Variants in CCSER1 observed in about 807,000 individuals in gnomAD.
CCSER1 encodes the protein coiled-coil serine rich protein 1, also known as serine-rich coiled-coil domain-containing protein 1.
In CCSER1, 41 loss-of-function variants were observed where a neutral mutation model predicts 82.0. The observed-to-expected ratio is 0.50, with a 90% confidence interval of 0.39 to 0.65. The LOEUF (loss-of-function observed/expected upper bound fraction) is 0.65, where lower values mean the gene tolerates loss of function less well. Ranked by LOEUF, CCSER1 falls within the 30% of genes least tolerant of loss-of-function variation. The pLI, the probability that CCSER1 is intolerant of heterozygous loss-of-function variation, is 0.00. For synonymous variants in CCSER1, 414 were observed against 383.9 expected (o/e 1.08, Z -0.92); for missense variants, 1,119 against 1,064.2 (o/e 1.05, Z -0.72).
In CCSER1 at chr4:90,127,526, C is replaced by G. The variant is rs1721991021; in HGVS notation, c.-347C>G. 6.5e-6 allele frequency: 1 copy of G among 153,164 alleles called. No homozygotes were observed. The highest frequency in any genetic ancestry group is 2.1e-4 in the South Asian group (1 of 4,838). The allele number at this position is 153,164 out of a possible 1,614,324, so 9.5% of individuals were successfully genotyped here. On this transcript the variant is annotated 5_prime_UTR_variant, in exon 1 of 11. Coordinates refer to ENST00000509176, the MANE Select transcript of CCSER1 (RefSeq NM_001145065.2). ...CCTCCTCTTGCTCTGCTCTTCTCTC[C>G]CTCACCACAAATAGTCGCCGACCTA...
intron 10 of CCSER1, among the ~76,000 whole-genome samples, chr4:91,273,267 T>C (rs906973547): frequency 2.0e-4 from 30 of 152,206 alleles, no homozygotes; most frequent in African/African-American, 7.2e-4. Context: ...TCATCTGTGA[T>C]TTCTTTCAGC....
chr4:91,405,124 G>A (rs1173780220), intron 10 of CCSER1, among the ~76,000 whole-genome samples: 1 of 152,040 alleles, frequency 6.6e-6, no homozygotes, highest in Non-Finnish European at 1.5e-5. Flanking sequence ...TCTTCTTGTT[G>A]AATTGATCCC....
chr4:90,193,717 T>C (rs1283287843), intron 1 of CCSER1, among the ~76,000 whole-genome samples: 1 of 151,990 alleles, frequency 6.6e-6, no homozygotes, highest in African/African-American at 2.4e-5. Flanking sequence ...TAGAACACTT[T>C]TAACTGCAGG....
chr4:90,626,843 T>G (rs1370029964), intron 5 of CCSER1, among the ~76,000 whole-genome samples: 2 of 152,224 alleles, frequency 1.3e-5, no homozygotes, highest in Non-Finnish European at 2.9e-5. Context: ...CAATAAGAAC[T>G]ATATAAATAT....
chr4:90,128,937 T>C (rs1327826345), intron 1 of CCSER1, among the ~76,000 whole-genome samples: 1 of 152,124 alleles, frequency 6.6e-6, no homozygotes, highest in East Asian at 1.9e-4. Flanking sequence ...AACTCATATT[T>C]TTACAGGTAG....
chr4:91,524,273 C>T (rs917903757), intron 10 of CCSER1, among the ~76,000 whole-genome samples: 1 of 152,088 alleles, frequency 6.6e-6, no homozygotes, highest in Non-Finnish European at 1.5e-5. Context: ...TATAACATCT[C>T]TTTTTTTGAA....
chr4:90,868,615 C>T (rs1766045655), intron 8 of CCSER1, among the ~76,000 whole-genome samples: 1 of 151,964 alleles, frequency 6.6e-6, no homozygotes, highest in Admixed American at 6.6e-5. Flanking sequence ...ATAGACACTT[C>T]AGTTGCTTCC....
At chr4:90,700,132 C>T (rs1051639349) in intron 6 of CCSER1, among the ~76,000 whole-genome samples, 3 of 151,984 alleles carry the variant, frequency 2.0e-5, no homozygotes, top group Non-Finnish European at 4.4e-5. Flanking sequence ...TGCTATCCCT[C>T]CCCACTCCCC....
At chr4:91,099,452 G>T (rs1027027711) in intron 10 of CCSER1, among the ~76,000 whole-genome samples, 2 of 152,086 alleles carry the variant, frequency 1.3e-5, no homozygotes, top group South Asian at 2.1e-4. Flanking sequence ...AATGAAAAGG[G>T]TCAAACTCTG....
At chr4:91,148,623 A>C (rs990790344) in intron 10 of CCSER1, among the ~76,000 whole-genome samples, 32 of 152,058 alleles carry the variant, frequency 2.1e-4, no homozygotes, top group Admixed American at 5.2e-4. Flanking sequence ...TCCTGATGCT[A>C]TCCATCCCCC....
chr4:91,485,905 G>T (rs1758195570), intron 10 of CCSER1, among the ~76,000 whole-genome samples: 1 of 151,940 alleles, frequency 6.6e-6, no homozygotes, highest in Admixed American at 6.6e-5. Context: ...TTTTGAATAG[G>T]AATATCTACA....
At chr4:90,447,465 G>C (rs1317649124) in intron 4 of CCSER1, among the ~76,000 whole-genome samples, 5 of 152,298 alleles carry the variant, frequency 3.3e-5, no homozygotes, top group Middle Eastern at 3.4e-3. Context: ...AGGAATTTCT[G>C]TCTGCTTTGT....
chr4:91,232,973 CAAG>C (rs1022502989), intron 10 of CCSER1, among the ~76,000 whole-genome samples: 5 of 151,698 alleles, frequency 3.3e-5, no homozygotes, highest in African/African-American at 9.7e-5. Flanking sequence ...GAAGGGTACT[CAAG>C]AAAGTATTAA....
intron 10 of CCSER1, among the ~76,000 whole-genome samples, chr4:91,203,424 C>A (rs866104303): frequency 5.9e-5 from 9 of 151,828 alleles, no homozygotes; most frequent in Non-Finnish European, 1.5e-5. Flanking sequence ...CCTAATACTA[C>A]TCTTCTGTTC....
At chr4:90,261,222 T>C (rs1304764950) in intron 1 of CCSER1, among the ~76,000 whole-genome samples, 1 of 151,978 alleles carries the variant, frequency 6.6e-6, no homozygotes, top group Non-Finnish European at 1.5e-5. Flanking sequence ...TTCAGGAGGT[T>C]CTATTTTGGT....
At chr4:91,002,392 T>A (rs753771158) in intron 9 of CCSER1, among the ~76,000 whole-genome samples, 1 of 152,206 alleles carries the variant, frequency 6.6e-6, no homozygotes, top group Non-Finnish European at 1.5e-5. Flanking sequence ...TACCAGTTAT[T>A]CTTAGGTTTG....
At chr4:90,919,337 G>T (rs1260656385) in intron 8 of CCSER1, among the ~76,000 whole-genome samples, 2 of 151,724 alleles carry the variant, frequency 1.3e-5, no homozygotes, top group Admixed American at 6.6e-5. Context: ...AATAAAAAAG[G>T]TTTTCATCTG....
chr4:91,452,434 A>G (rs1049442610), intron 10 of CCSER1, among the ~76,000 whole-genome samples: 4 of 152,008 alleles, frequency 2.6e-5, no homozygotes, highest in African/African-American at 9.7e-5. Flanking sequence ...TATTGGGTAC[A>G]CTACTTGTCA....
intron 10 of CCSER1, among the ~76,000 whole-genome samples, chr4:91,191,230 T>C (rs1734965223): frequency 1.3e-5 from 2 of 152,200 alleles, no homozygotes; most frequent in Non-Finnish European, 2.9e-5. Flanking sequence ...CATAATTTCC[T>C]GATTATACAT....
Sources: allele counts gnomAD v4.1 joint callset (sites outside exome capture counted in the v4.1 genomes callset), GRCh38; gene constraint gnomAD v4.1.1; transcripts MANE v1.5; gene names NCBI Gene and HGNC (gene_info 2026-07-23, HGNC 2026-07-21).